The following LINGO2 variants were observed in gnomAD, a reference collection of about 807,000 sequenced individuals.
The protein encoded by LINGO2 is leucine rich repeat and Ig domain containing 2.
LINGO2 carries 14 observed loss-of-function variants against 30.6 expected under a neutral mutation model. The observed-to-expected ratio is 0.46, with a 90% confidence interval of 0.30 to 0.72. The LOEUF is 0.72. LINGO2 is among the 30% of genes least tolerant of loss of function. The pLI, the probability that LINGO2 is intolerant of heterozygous loss-of-function variation, is 0.07. For synonymous variants in LINGO2, 317 were observed against 288.5 expected (o/e 1.10, Z -1.00); for missense variants, 729 against 751.7 (o/e 0.97, Z 0.35).
intron 3 of LINGO2, among the ~76,000 whole-genome samples, chr9:28,304,778 G>A (rs1350661696): frequency 6.6e-6 from 1 of 151,910 alleles, no homozygotes; most frequent in African/African-American, 2.4e-5. Context: ...AAAACCTACT[G>A]GCACCCAGCT....
At chr9:28,121,400 A>AT in intron 4 of LINGO2, among the ~76,000 whole-genome samples, 1 of 152,298 alleles carries the variant, frequency 6.6e-6, no homozygotes, top group Admixed American at 6.5e-5. Flanking sequence ...TTCTTGCTTT[A>AT]TTGTTACACA....
intron 1 of LINGO2, among the ~76,000 whole-genome samples, chr9:28,597,789 G>C (rs578172855): frequency 1.8e-4 from 27 of 152,276 alleles, no homozygotes; most frequent in African/African-American, 6.5e-4. Context: ...TTTTGAGACA[G>C]AGTCTCATTC....
intron 4 of LINGO2, among the ~76,000 whole-genome samples, chr9:28,101,803 C>G (rs1826424428): frequency 6.6e-6 from 1 of 152,146 alleles, no homozygotes; most frequent in South Asian, 2.1e-4. Context: ...CCCCTGCCAT[C>G]AAAACTGAAC....
chr9:28,960,128 T>C, the LINGO2 span, among the ~76,000 whole-genome samples: 16 of 152,178 alleles, frequency 1.1e-4, no homozygotes, highest in Non-Finnish European at 1.9e-4. Context: ...CTATTCTTGA[T>C]ATGTGTAGGA....
intron 4 of LINGO2, among the ~76,000 whole-genome samples, chr9:28,071,806 G>A (rs1326885352): frequency 6.6e-6 from 1 of 151,970 alleles, no homozygotes; most frequent in Non-Finnish European, 1.5e-5. Context: ...AAATATAGAT[G>A]TAGATATAAA....
chr9:28,296,646 G>T (rs4266734), intron 3 of LINGO2, among the ~76,000 whole-genome samples: 149,801 of 152,296 alleles, frequency 0.98, 73,721 homozygotes, highest in Middle Eastern at 1. Flanking sequence ...GGGTTCAAGT[G>T]GAACACATGC....
the LINGO2 span, among the ~76,000 whole-genome samples, chr9:28,749,501 T>C: frequency 6.6e-6 from 1 of 152,088 alleles, no homozygotes; most frequent in East Asian, 1.9e-4. Context: ...CATTTATAAG[T>C]CAAATTGTCT....
At chr9:28,589,464 A>C (rs1453119701) in intron 1 of LINGO2, among the ~76,000 whole-genome samples, 1 of 152,144 alleles carries the variant, frequency 6.6e-6, no homozygotes, top group East Asian at 1.9e-4. Flanking sequence ...CTCAGGATAC[A>C]AAATCAATGT....
the LINGO2 span, among the ~76,000 whole-genome samples, chr9:28,746,337 T>C: frequency 1.3e-5 from 2 of 152,072 alleles, no homozygotes; most frequent in African/African-American, 2.4e-5. Flanking sequence ...TGACACGCTA[T>C]ATAAAGTTTG....
At chr9:28,709,385 G>T in the LINGO2 span, among the ~76,000 whole-genome samples, 278 of 152,140 alleles carry the variant, frequency 1.8e-3, 4 homozygotes, top group Non-Finnish European at 1.6e-3. Context: ...AATGTTAAAT[G>T]AATAGTGTTT....
the LINGO2 span, among the ~76,000 whole-genome samples, chr9:28,927,593 G>C: frequency 5.9e-5 from 9 of 152,110 alleles, no homozygotes; most frequent in Non-Finnish European, 1.2e-4. Flanking sequence ...CCTCAGGACT[G>C]CTGTAAGGAT....
At chr9:28,798,760 C>G in the LINGO2 span, among the ~76,000 whole-genome samples, 1 of 152,022 alleles carries the variant, frequency 6.6e-6, no homozygotes, top group African/African-American at 2.4e-5. Flanking sequence ...CAGGTTTGTT[C>G]GCTTGCTTCC....
intron 4 of LINGO2, among the ~76,000 whole-genome samples, chr9:28,238,298 A>G (rs1821654641): frequency 6.6e-6 from 1 of 152,156 alleles, no homozygotes; most frequent in Non-Finnish European, 1.5e-5. Context: ...GACCAAATGA[A>G]CCTAATAGAT....
chr9:28,280,241 T>C (rs1197469207), intron 4 of LINGO2, among the ~76,000 whole-genome samples: 2 of 152,146 alleles, frequency 1.3e-5, no homozygotes, highest in Non-Finnish European at 2.9e-5. Context: ...TGTTCAACAC[T>C]TTATTAGGCA....
At chr9:28,203,751 C>T (rs4878833) in intron 4 of LINGO2, among the ~76,000 whole-genome samples, 12,128 of 152,130 alleles carry the variant, frequency 0.08, 692 homozygotes, top group East Asian at 0.21. Flanking sequence ...GAACACAACA[C>T]TTGTTTTGAG....
chr9:28,412,761 A>T (rs1261070050), intron 2 of LINGO2, among the ~76,000 whole-genome samples: 2 of 152,108 alleles, frequency 1.3e-5, no homozygotes, highest in African/African-American at 4.8e-5. Context: ...TTCATTAAGA[A>T]ATCTAAATTT....
the LINGO2 span, among the ~76,000 whole-genome samples, chr9:28,790,331 T>C: frequency 1.7e-5 from 2 of 119,586 alleles, no homozygotes; most frequent in African/African-American, 3.5e-5. Context: ...CTTTCTTTTT[T>C]TTTTTTTTTT....
At chr9:28,058,730 C>A (rs1020971948) in intron 4 of LINGO2, among the ~76,000 whole-genome samples, 2 of 151,936 alleles carry the variant, frequency 1.3e-5, no homozygotes, top group Non-Finnish European at 2.9e-5. Flanking sequence ...CATAAAATTC[C>A]AAACTTATCA....
intron 4 of LINGO2, among the ~76,000 whole-genome samples, chr9:28,094,623 G>A (rs752048676): frequency 1.3e-4 from 20 of 151,952 alleles, no homozygotes; most frequent in Non-Finnish European, 2.5e-4. Flanking sequence ...ATGATAGCAT[G>A]CATTTCATAT....
Sources: gnomAD v4.1 joint callset for allele counts (sites outside exome capture counted in the v4.1 genomes callset) on GRCh38, gnomAD v4.1.1 for gene constraint, MANE v1.5 for transcripts, NCBI Gene and HGNC (gene_info 2026-07-23, HGNC 2026-07-21) for gene names.